Variants in UTRN observed in about 807,000 individuals in gnomAD.
UTRN encodes utrophin, also known as dystrophin-related protein 1.
In UTRN, 283 loss-of-function variants were observed where a neutral mutation model predicts 463.9. That is an observed-to-expected ratio of 0.61 (90% confidence interval 0.55 to 0.67). UTRN has a LOEUF of 0.67. UTRN is among the 30% of genes least tolerant of loss of function. UTRN has a pLI of 0.00. For missense variants in UTRN, 3,922 were observed against 4,084.3 expected, an observed-to-expected ratio of 0.96 and a Z score of 1.08; for synonymous variants, 1,442 against 1,431.5, an observed-to-expected ratio of 1.01 and a Z score of -0.17.
At chr6:144,377,293 T>C (rs1440858571) in intron 2 of UTRN, among the ~76,000 whole-genome samples, 1 of 152,146 alleles carries the variant, frequency 6.6e-6, no homozygotes, top group Non-Finnish European at 1.5e-5. Flanking sequence ...TGCCTCAGCC[T>C]CCCAAAGTGC....
intron 64 of UTRN, 147 bp from the exon 65 acceptor site, chr6:144,802,889 T>C: frequency 2.3e-6 from 1 of 440,982 alleles, no homozygotes; most frequent in Non-Finnish European, 3.9e-6. Context: ...CTCTCATGTA[T>C]AAACAGATAG....
intron 51 of UTRN, among the ~76,000 whole-genome samples, chr6:144,621,320 T>C (rs1775354172): frequency 1.3e-5 from 2 of 152,220 alleles, no homozygotes; most frequent in Non-Finnish European, 2.9e-5. Context: ...CAAACCATAC[T>C]GTATATGAAA....
chr6:144,416,392 T>C (rs1204929456), intron 3 of UTRN, among the ~76,000 whole-genome samples: 1 of 152,206 alleles, frequency 6.6e-6, no homozygotes, highest in African/African-American at 2.4e-5. Flanking sequence ...AGCTGCCACT[T>C]GAGCCTGCAG....
chr6:144,461,481 T>G, intron 22 of UTRN, 139 bp downstream of exon 22: 2 of 1,022,860 alleles, frequency 2.0e-6, no homozygotes, highest in Non-Finnish European at 2.6e-6. Flanking sequence ...GTTTATGATT[T>G]GAGGGTTAGT....
chr6:144,508,781 G>T (rs182216590), intron 34 of UTRN, among the ~76,000 whole-genome samples: 2 of 152,114 alleles, frequency 1.3e-5, no homozygotes, highest in Non-Finnish European at 2.9e-5. Context: ...CGTGAGGTAA[G>T]GCTCTAACCT....
At chr6:144,693,561 T>C (rs1562775968) in intron 52 of UTRN, among the ~76,000 whole-genome samples, 1 of 152,190 alleles carries the variant, frequency 6.6e-6, no homozygotes, top group African/African-American at 2.4e-5. Flanking sequence ...TTGTCTCTGA[T>C]TTTTTTGGGC....
chr6:144,625,194 G>A (rs1047080174), intron 51 of UTRN, among the ~76,000 whole-genome samples: 6 of 152,264 alleles, frequency 3.9e-5, no homozygotes, highest in Admixed American at 6.5e-5. Flanking sequence ...TGAATGTAAC[G>A]TTTCAAATAT....
At chr6:144,676,537 T>A (rs908869931) in intron 51 of UTRN, among the ~76,000 whole-genome samples, 11 of 152,118 alleles carry the variant, frequency 7.2e-5, no homozygotes, top group East Asian at 3.9e-4. Flanking sequence ...GTTTTTTTTT[T>A]AATTATACTT....
At chr6:144,368,478 A>G (rs1026322882) in intron 2 of UTRN, among the ~76,000 whole-genome samples, 2 of 152,204 alleles carry the variant, frequency 1.3e-5, no homozygotes, top group Non-Finnish European at 2.9e-5. Flanking sequence ...CCATTAAGGA[A>G]TATACATGAT....
At chr6:144,627,939 A>G (rs954980791) in intron 51 of UTRN, among the ~76,000 whole-genome samples, 2 of 151,452 alleles carry the variant, frequency 1.3e-5, no homozygotes, top group African/African-American at 2.4e-5. Context: ...AGCTGGGATT[A>G]TGGGTGTACA....
At chr6:144,657,751 C>A (rs1393596619) in intron 51 of UTRN, among the ~76,000 whole-genome samples, 3 of 152,202 alleles carry the variant, frequency 2.0e-5, no homozygotes, top group Admixed American at 6.5e-5. Context: ...CCCTTCTGAT[C>A]TGTGCATGGG....
chr6:144,654,874 A>C lies in UTRN; in HGVS notation c.7480-23532A>C, dbSNP rs903081079. Reference sequence around the variant, plus strand: ...TCCTGCACCTGGTTGGCTAATTCAGAAGCAAATCAGCTGGTATTTCTCTTC... The same window carrying C: ...TCCTGCACCTGGTTGGCTAATTCAGCAGCAAATCAGCTGGTATTTCTCTTC... On this transcript the variant is annotated intron_variant, in intron 51 of 74. Transcript: ENST00000367545. 7.0e-4 allele frequency among the ~76,000 whole-genome samples: 107 copies of C among 152,234 alleles called. 1 individual carries two copies. The highest frequency in any genetic ancestry group is 2.2e-4 in the Non-Finnish European group (15 of 68,032).
rs144906188 is a variant in UTRN, at chr6:144,840,740, C to T, written c.10178C>T (p.Ala3393Val). ...DASGPQFHQA[A>V]GEDLLAPPHD... ...TTGTTCTCTTTATTTGCTGTCACAG[C>T]GGGAGAGGACCTGCTGGCCCCACCG... Residue 3393 changes from alanine to valine, a missense_variant and splice_region_variant, in exon 73 of 75, where the codon GCG becomes GTG. Transcript: ENST00000367545. The T allele has an allele frequency of 2.6e-5, 42 of 1,613,544 alleles. No individual in the cohort carries two copies. Among genetic ancestry groups the T allele is most frequent in the African/African-American group, 1.7e-4 (13 of 74,890 alleles).
chr6:144,520,957 G>A (rs1484512545), intron 39 of UTRN, among the ~76,000 whole-genome samples: 2 of 152,022 alleles, frequency 1.3e-5, no homozygotes, highest in Non-Finnish European at 1.5e-5. Context: ...AAGGACTGGC[G>A]GTCCATCCCA....
At chr6:144,414,856 C>T (rs1440491815) in intron 3 of UTRN, among the ~76,000 whole-genome samples, 3 of 152,090 alleles carry the variant, frequency 2.0e-5, no homozygotes, top group Non-Finnish European at 4.4e-5. Context: ...GCTGGGATTA[C>T]AAGTGTGCAC....
At chr6:144,516,483 A>G in intron 38 of UTRN, 96 bp downstream of exon 38, 1 of 1,297,138 alleles carries the variant, frequency 7.7e-7, no homozygotes, top group East Asian at 2.4e-5. Flanking sequence ...TAATCTGTCA[A>G]ACATGATGAA....
At chr6:144,462,991 T>A in intron 23 of UTRN, 125 bp downstream of exon 23, 1 of 863,116 alleles carries the variant, frequency 1.2e-6, no homozygotes. Context: ...ATTATGTATT[T>A]AAGTTGGGAC....
intron 52 of UTRN, among the ~76,000 whole-genome samples, chr6:144,685,746 A>G (rs1202598229): frequency 2.0e-5 from 3 of 149,164 alleles, no homozygotes; most frequent in Non-Finnish European, 2.9e-5. Context: ...AGTTCCTTGT[A>G]GATTCTGGAT....
intron 19 of UTRN, among the ~76,000 whole-genome samples, chr6:144,455,832 G>A (rs1246092550): frequency 6.6e-6 from 1 of 152,146 alleles, no homozygotes; most frequent in Admixed American, 6.5e-5. Context: ...GCTGACTATA[G>A]GCTTTGGTCC....
Sources: allele counts gnomAD v4.1 joint callset (sites outside exome capture counted in the v4.1 genomes callset), GRCh38; gene constraint gnomAD v4.1.1; transcripts MANE v1.5; gene names NCBI Gene and HGNC (gene_info 2026-07-23, HGNC 2026-07-21).